The following PCDHA9 variants were observed in gnomAD, a reference collection of about 807,000 sequenced individuals.
The protein encoded by PCDHA9 is protocadherin alpha-9.
In PCDHA9, 62 loss-of-function variants were observed where a neutral mutation model predicts 62.0. The observed-to-expected ratio is 1.00, with a 90% CI of 0.81 to 1.23. The LOEUF is 1.23. Among genes scored for constraint, PCDHA9 ranks in the 50% most tolerant of loss-of-function variants. PCDHA9 has a pLI of 0.00. For missense variants in PCDHA9, 1,205 were observed against 1,249.8 expected (o/e 0.96, Z 0.54); for synonymous variants, 557 against 567.6 (o/e 0.98, Z 0.27).
Position 140,927,758 on chromosome 5 carries a change from A to C in PCDHA9, c.2395-51191A>C, listed in dbSNP as rs781942462. 3 of 1,614,170 alleles carry C rather than the reference A, an allele frequency of 1.9e-6. No individual in the cohort carries two copies. In the South Asian group the frequency reaches 3.3e-5, roughly 18 times the overall value. Reference sequence around the variant, plus strand: ...CGACACCGCTTTCACGTGCACCCTAAAAGTGGGGAGGTGCAAGTAGCTGCT... The same window carrying C: ...CGACACCGCTTTCACGTGCACCCTACAAGTGGGGAGGTGCAAGTAGCTGCT... On this transcript the variant is annotated intron_variant, in intron 1 of 3. Transcript: ENST00000532602.
intron 3 of PCDHA9, among the ~76,000 whole-genome samples, chr5:140,987,537 T>C (rs1343074603): frequency 6.6e-6 from 1 of 152,176 alleles, no homozygotes; most frequent in African/African-American, 2.4e-5. Context: ...CCTGGGACCA[T>C]TACTTAACTT....
At chr5:140,997,740 C>T (rs568361121) in intron 3 of PCDHA9, among the ~76,000 whole-genome samples, 3 of 151,924 alleles carry the variant, frequency 2.0e-5, no homozygotes, top group African/African-American at 7.2e-5. Flanking sequence ...ATAGATTTGC[C>T]ACAATCTTCT....
Position 140,857,347 on chromosome 5 carries a change from G to T in PCDHA9, c.2394+6458G>T, listed in dbSNP as rs781930086. 8.1e-6 allele frequency: 13 copies of T among 1,598,236 alleles called. No homozygotes were observed. The African/African-American group carries it at 1.1e-4, about 13-fold the overall frequency. On this transcript the variant is annotated intron_variant, in intron 1 of 3. Coordinates refer to ENST00000532602, the MANE Select transcript of PCDHA9 (RefSeq NM_031857.2). The stretch of plus-strand genomic sequence containing the variant: ...CCGCGCGGGACGGGGGCTCGCCTCC[G>T]CTGTGGGCCACGGCCAGCGTGTCTG...
At chr5:140,876,815 T>A in intron 1 of PCDHA9, 2 of 1,614,148 alleles carry the variant, frequency 1.2e-6, no homozygotes, top group Non-Finnish European at 1.7e-6. Flanking sequence ...GTGGCCGACG[T>A]GAACGACAAT....
intron 1 of PCDHA9, chr5:140,858,744 A>G: frequency 2.2e-6 from 1 of 461,862 alleles, no homozygotes; most frequent in South Asian, 3.0e-5. Flanking sequence ...TTTCATAATC[A>G]CTTTTCGTTA....
chr5:140,908,490 G>A (rs149646315), intron 1 of PCDHA9, among the ~76,000 whole-genome samples: 2 of 152,140 alleles, frequency 1.3e-5, no homozygotes, highest in Admixed American at 6.5e-5. Context: ...GGCAGTTCAG[G>A]TTGCTTGGTG....
chr5:140,883,352 G>T (rs1554177776), intron 1 of PCDHA9: 1 of 1,614,164 alleles, frequency 6.2e-7, no homozygotes, highest in South Asian at 1.1e-5. Flanking sequence ...CATCAGAGAA[G>T]ACACTCAGCC....
At chr5:140,860,151 GTGTATATATATA>G (rs1350684051) in intron 1 of PCDHA9, 1 of 149,616 alleles carries the variant, frequency 6.7e-6, no homozygotes, top group African/African-American at 2.5e-5. Context: ...ATGTATATAT[GTGTATATATATA>G]TGTATATATA....
chr5:140,900,693 T>A (rs1223398418), intron 1 of PCDHA9, among the ~76,000 whole-genome samples: 1 of 152,242 alleles, frequency 6.6e-6, no homozygotes, highest in African/African-American at 2.4e-5. Flanking sequence ...TATACTGATT[T>A]CCGTTCTTTT....
chr5:140,927,802 A>G (rs782489417), intron 1 of PCDHA9: 1 of 1,614,030 alleles, frequency 6.2e-7, no homozygotes, highest in African/African-American at 1.3e-5. Flanking sequence ...TCCGCCTGAA[A>G]CGCTCTTGGA....
intron 1 of PCDHA9, among the ~76,000 whole-genome samples, chr5:140,945,224 T>C (rs1563213002): frequency 6.6e-6 from 1 of 152,016 alleles, no homozygotes; most frequent in Non-Finnish European, 1.5e-5. Context: ...ATAAAAATAC[T>C]TAGGAATAAA....
chr5:140,865,725 A>G (rs1326307411), intron 1 of PCDHA9: 1 of 152,210 alleles, frequency 6.6e-6, no homozygotes, highest in Non-Finnish European at 1.5e-5. Context: ...AGAAGCTGAG[A>G]TGTGTATCTA....
intron 1 of PCDHA9, chr5:140,929,026 G>A: frequency 1.2e-6 from 2 of 1,614,176 alleles, no homozygotes; most frequent in Non-Finnish European, 1.7e-6. Context: ...CCAGAGCCCA[G>A]GCTGTTGCGC....
At chr5:140,962,841 A>G (rs1298725922) in intron 1 of PCDHA9, among the ~76,000 whole-genome samples, 3 of 152,210 alleles carry the variant, frequency 2.0e-5, no homozygotes, top group African/African-American at 7.2e-5. Flanking sequence ...TTTTTATTAT[A>G]TAACTTGTGC....
intron 3 of PCDHA9, among the ~76,000 whole-genome samples, chr5:140,986,303 A>G (rs2097193977): frequency 6.6e-6 from 1 of 152,166 alleles, no homozygotes; most frequent in South Asian, 2.1e-4. Context: ...CAGAGAGAGA[A>G]AATTAGCTAA....
Position 140,896,173 on chromosome 5 carries a change from TTGCTATTGTGAATAG to T in PCDHA9, c.2394+45288_2394+45302del, listed in dbSNP as rs1554186855. On this transcript the variant is annotated intron_variant, in intron 1 of 3. Transcript: ENST00000532602. ...GGGCATTTAGGATTATTCTCTGTCT[TTGCTATTGTGAATAG>T]TGCCATGATGAACATACACATACAT... 2.6e-4 allele frequency among the ~76,000 whole-genome samples: 40 copies of T among 152,340 alleles called. 1 individual carries two copies. The East Asian group carries it at 5.2e-3, about 20-fold the overall frequency.
At chr5:140,985,851 TG>T (rs1269261138) in intron 3 of PCDHA9, among the ~76,000 whole-genome samples, 1 of 149,322 alleles carries the variant, frequency 6.7e-6, no homozygotes, top group Non-Finnish European at 1.5e-5. Flanking sequence ...GCCACTCTCC[TG>T]CCTCAGCCTC....
At chr5:140,964,954 G>A (rs140288048) in intron 1 of PCDHA9, among the ~76,000 whole-genome samples, 6 of 152,316 alleles carry the variant, frequency 3.9e-5, no homozygotes, top group Non-Finnish European at 7.4e-5. Flanking sequence ...AGTGTGCTTG[G>A]TTGGTGGAAC....
intron 1 of PCDHA9, chr5:140,883,431 C>T: frequency 6.2e-7 from 1 of 1,614,172 alleles, no homozygotes. Flanking sequence ...GTCACCTGCA[C>T]CTTGACGCCG....
Sources: gnomAD v4.1 joint callset for allele counts (sites outside exome capture counted in the v4.1 genomes callset) on GRCh38, gnomAD v4.1.1 for gene constraint, MANE v1.5 for transcripts, NCBI Gene and HGNC (gene_info 2026-07-23, HGNC 2026-07-21) for gene names.